TPH1: variants seen among roughly 807,000 people sequenced by gnomAD.
TPH1 encodes the protein tryptophan 5-hydroxylase 1.
A neutral mutation model predicts 49.5 loss-of-function variants in TPH1; 37 were observed. The ratio of observed to expected loss-of-function variants is 0.75; its 90% CI spans 0.58 to 0.98. TPH1 has a LOEUF of 0.98. Ranked by LOEUF, TPH1 falls within the 50% of genes least tolerant of loss-of-function variation. The probability of loss-of-function intolerance (pLI) is 0.00; values close to 1 mark genes in which losing one functional copy is unlikely to be tolerated. For missense variants in TPH1, 487 were observed against 523.6 expected (o/e 0.93, Z 0.68); for synonymous variants, 160 against 182.1 (o/e 0.88, Z 0.98).
At chr11:18,027,427 A>T (rs1847940386) in intron 6 of TPH1, among the ~76,000 whole-genome samples, 1 of 152,210 alleles carries the variant, frequency 6.6e-6, no homozygotes, top group African/African-American at 2.4e-5. Flanking sequence ...GTAGCCATTG[A>T]GCATTTGAAA....
At chr11:18,034,062 C>T (rs1041184840) in intron 3 of TPH1, among the ~76,000 whole-genome samples, 1 of 152,140 alleles carries the variant, frequency 6.6e-6, no homozygotes, top group Non-Finnish European at 1.5e-5. Flanking sequence ...TCTCTAAAGG[C>T]TTTTACTATG....
chr11:18,036,030 A>AC lies in TPH1; in HGVS notation c.229_230insG (p.Phe77CysfsTer18), dbSNP rs761289093. On this transcript the variant is annotated frameshift_variant, in exon 3 of 11. Transcript: ENST00000682019. LOFTEE classifies it high-confidence loss of function. ...ATTGGTATGAGACTTCAGCAGATGAAAAATATCATTCAATTGTTCTCTGTT... is the reference window on the plus strand; with the variant it reads ...ATTGGTATGAGACTTCAGCAGATGAACAAATATCATTCAATTGTTCTCTGTT... The AC allele has an allele frequency of 3.1e-6, 5 of 1,612,926 alleles. No individual in the cohort carries two copies. The Admixed American group carries it at 8.3e-5, about 27-fold the overall frequency.
At chr11:18,044,549 C>CA (rs60238867) in intron 1 of TPH1, among the ~76,000 whole-genome samples, 4 of 151,520 alleles carry the variant, frequency 2.6e-5, no homozygotes, top group African/African-American at 9.7e-5. Context: ...TGTTCCCCCC[C>CA]ACCCCAAAAT....
rs1281018129 is a variant in TPH1, at chr11:18,029,377, G to A, written c.471-16C>T. On this transcript the variant is annotated splice_polypyrimidine_tract_variant and intron_variant, in intron 5 of 10. Coordinates refer to ENST00000682019, the MANE Select transcript of TPH1 (RefSeq NM_004179.3). ...GGGGTCTCCACTAATGAGATAAAGG[G>A]AAGGAGTTGTTTTGAATTAGCATTT... 2.5e-6 allele frequency: 4 copies of A among 1,610,852 alleles called. No individual in the cohort carries two copies. The East Asian group carries it at 8.9e-5, about 36-fold the overall frequency.
At chr11:18,038,051 G>C (rs1489322150) in intron 2 of TPH1, among the ~76,000 whole-genome samples, 2 of 152,094 alleles carry the variant, frequency 1.3e-5, no homozygotes, top group African/African-American at 4.8e-5. Context: ...CCAAAAACCG[G>C]GACACAAATA....
In TPH1 at chr11:18,018,079, T is replaced by A. The variant is rs1454355680; in HGVS notation, c.*2912A>T. On this transcript the variant is annotated 3_prime_UTR_variant, in exon 11 of 11. Coordinates refer to ENST00000682019, the MANE Select transcript of TPH1 (RefSeq NM_004179.3). ...CCATCTCTACTAAAAAAACAAAAAT[T>A]AGCGGGGCATGGTGAAGCACGCCTG... The A allele has an allele frequency of 6.6e-6, 1 of 151,338 alleles. No homozygotes were observed. The highest frequency in any genetic ancestry group is 2.4e-5 in the African/African-American group (1 of 41,108). The allele number at this position is 151,338 out of a possible 1,614,324, so 9.4% of individuals were successfully genotyped here.
rs182252771 is a variant in TPH1 at position 18,020,549 on chromosome 11, A to G, written c.*442T>C. 1 of 168,614 alleles carries G rather than the reference A, an allele frequency of 5.9e-6. No homozygotes were observed. The highest frequency in any genetic ancestry group is 1.6e-4 in the East Asian group (1 of 6,148). 10.4% of individuals were successfully genotyped at this position (168,614 alleles called of 1,614,324 possible). The stretch of plus-strand genomic sequence containing the variant: ...TGGCACAAATTCAGCAATAAGTAAC[A>G]GATACTTTAGAAATAAGGGGATCTT... On this transcript the variant is annotated 3_prime_UTR_variant, in exon 11 of 11. Transcript: ENST00000682019.
rs768418568 is a variant in TPH1, at chr11:18,025,728, G to A, written c.804-27C>T. On this transcript the variant is annotated intron_variant, in intron 7 of 10. Coordinates refer to ENST00000682019, the MANE Select transcript of TPH1 (RefSeq NM_004179.3). ...TGAAAGAGAGGTACAAGTTTGTCAC[G>A]CTGCAGTGCTTAACATACGTTTATA... 4.0e-5 allele frequency: 65 copies of A among 1,613,138 alleles called. 1 individual carries two copies. The highest frequency in any genetic ancestry group is 3.0e-4 in the Admixed American group (18 of 59,976).
intron 10 of TPH1, 53 bp downstream of exon 10, chr11:18,022,744 AT>A: frequency 3.7e-6 from 6 of 1,601,896 alleles, no homozygotes; most frequent in Non-Finnish European, 5.1e-6. Flanking sequence ...TGTTACCATA[AT>A]GGGGCTGATC....
chr11:18,031,737 C>T lies in TPH1; in HGVS notation c.402+1537G>A, dbSNP rs1383027096. Among the ~76,000 whole-genome samples, 3 of 152,128 alleles carry T rather than the reference C, an allele frequency of 2.0e-5. 1 individual carries two copies. Among genetic ancestry groups the T allele is most frequent in the African/African-American group, 7.2e-5 (3 of 41,412 alleles). ...ATAAACATGCCCCAGATTTTCTTGC[C>T]TCTGAACCTTTGCTCATATTGTTCC... On this transcript the variant is annotated intron_variant, in intron 4 of 10. Coordinates refer to ENST00000682019, the MANE Select transcript of TPH1 (RefSeq NM_004179.3).
chr11:18,042,125 A>C (rs188975386), intron 1 of TPH1, among the ~76,000 whole-genome samples: 103 of 152,132 alleles, frequency 6.8e-4, no homozygotes, highest in African/African-American at 2.4e-3. Flanking sequence ...TCTAAAGATG[A>C]CTGAATATAG....
Position 18,029,298 on chromosome 11 carries a change from G to A in TPH1, c.534C>T (p.Phe178=), listed in dbSNP as rs371800298. 6.2e-7 allele frequency: 1 copy of A among 1,614,016 alleles called. No homozygotes were observed. The highest frequency in any genetic ancestry group is 8.5e-7 in the Non-Finnish European group (1 of 1,179,978). Reference sequence around the variant, plus strand: ...TTGGGTAGAGTTTGTTGAGCTCTTGGAATACGGTTCCCCAGGTCTTAATCT... The same window carrying A: ...TTGGGTAGAGTTTGTTGAGCTCTTGAAATACGGTTCCCCAGGTCTTAATCT... ...EEEIKTWGTV[F]QELNKLYPTH... Residue 178 remains phenylalanine, a synonymous_variant, in exon 6 of 11, where the codon TTC becomes TTT. Coordinates refer to ENST00000682019, the MANE Select transcript of TPH1 (RefSeq NM_004179.3).
intron 8 of TPH1, among the ~76,000 whole-genome samples, chr11:18,024,847 C>T (rs1847912467): frequency 6.6e-6 from 1 of 152,186 alleles, no homozygotes; most frequent in South Asian, 2.1e-4. Flanking sequence ...CTTGCTGTTT[C>T]CCCAGACACA....
At position 18,020,863 on chromosome 11, in the gene TPH1, G is replaced by T; in HGVS notation, c.*128C>A. The T allele has an allele frequency of 1.2e-6, 1 of 847,942 alleles. No homozygotes were observed. Among genetic ancestry groups the T allele is most frequent in the Non-Finnish European group, 2.0e-6 (1 of 499,640 alleles). The allele number at this position is 847,942 out of a possible 1,614,324, so 52.5% of individuals were successfully genotyped here. ...TTTTCAAAGACTAGTGATTCCTTAAGTAGTGGAATTCGATAATATTGTTTG... is the reference window on the plus strand; with the variant it reads ...TTTTCAAAGACTAGTGATTCCTTAATTAGTGGAATTCGATAATATTGTTTG... On this transcript the variant is annotated 3_prime_UTR_variant, in exon 11 of 11. Transcript: ENST00000682019.
chr11:18,024,812 A>T (rs1446843441), intron 8 of TPH1, among the ~76,000 whole-genome samples: 3 of 151,816 alleles, frequency 2.0e-5, no homozygotes, highest in African/African-American at 7.3e-5. Flanking sequence ...TGCCTCCCTC[A>T]CTCTTGGACA....
chr11:18,034,236 C>A (rs1590265451), intron 3 of TPH1, among the ~76,000 whole-genome samples: 1 of 152,176 alleles, frequency 6.6e-6, no homozygotes. Flanking sequence ...CATCTATACA[C>A]CTCTGCATTT....
chr11:18,039,173 T>G (rs1848074894), intron 2 of TPH1, among the ~76,000 whole-genome samples: 1 of 152,236 alleles, frequency 6.6e-6, no homozygotes, highest in African/African-American at 2.4e-5. Flanking sequence ...TTTTAATTCT[T>G]TGAAATATTC....
At chr11:18,025,797 G>A in intron 7 of TPH1, 96 bp from the exon 8 acceptor site, 2 of 1,514,504 alleles carry the variant, frequency 1.3e-6, no homozygotes, top group East Asian at 2.3e-5. Context: ...TTATTCTAAT[G>A]ATCGGGTGAT....
rs371800298 is a variant in TPH1 at position 18,029,298 on chromosome 11, G to C, written c.534C>G (p.Phe178Leu). ...TTGGGTAGAGTTTGTTGAGCTCTTG[G>C]AATACGGTTCCCCAGGTCTTAATCT... ...EEEIKTWGTV[F>L]QELNKLYPTH... Residue 178 changes from phenylalanine (F) to leucine (L), a missense_variant, in exon 6 of 11, where the codon TTC becomes TTG. By Grantham distance (22) the Phe-to-Leu change is conservative. Transcript: ENST00000682019. The C allele has an allele frequency of 1.2e-6, 2 of 1,614,016 alleles. No individual in the cohort carries two copies. Among genetic ancestry groups the C allele is most frequent in the Non-Finnish European group, 1.7e-6 (2 of 1,179,978 alleles).
Sources: gnomAD v4.1 joint callset for allele counts (sites outside exome capture counted in the v4.1 genomes callset) on GRCh38, gnomAD v4.1.1 for gene constraint, MANE v1.5 for transcripts, NCBI Gene and HGNC (gene_info 2026-07-23, HGNC 2026-07-21) for gene names.